The following NCOA3 variants were observed in gnomAD, a reference collection of about 807,000 sequenced individuals.
The protein encoded by NCOA3 is CBP-interacting protein.
NCOA3 carries 51 observed loss-of-function variants against 158.8 expected under a neutral mutation model. That is an observed-to-expected ratio of 0.32 (90% confidence interval 0.26 to 0.41). NCOA3 has a LOEUF of 0.41. Among genes scored for constraint, NCOA3 ranks in the 10% least tolerant of loss-of-function variants. The pLI, the probability that NCOA3 is intolerant of heterozygous loss-of-function variation, is 1.00. For synonymous variants in NCOA3, 537 were observed against 592.4 expected (o/e 0.91, Z 1.36); for missense variants, 1,510 against 1,746.6 (o/e 0.86, Z 2.41).
intron 2 of NCOA3, among the ~76,000 whole-genome samples, chr20:47,587,483 G>T (rs1438962027): frequency 6.6e-6 from 1 of 152,184 alleles, no homozygotes; most frequent in South Asian, 2.1e-4. Flanking sequence ...GTACCTGAGG[G>T]TGATTGGGTC....
At chr20:47,649,816 T>C (rs2086751904) in intron 19 of NCOA3, among the ~76,000 whole-genome samples, 1 of 152,128 alleles carries the variant, frequency 6.6e-6, no homozygotes, top group African/African-American at 2.4e-5. Context: ...TACAGAAAGA[T>C]GATAAAAGCT....
intron 1 of NCOA3, among the ~76,000 whole-genome samples, chr20:47,576,703 C>T (rs574975837): frequency 2.0e-5 from 3 of 152,230 alleles, no homozygotes; most frequent in South Asian, 4.1e-4. Flanking sequence ...ATTTGCAGCC[C>T]GAGGGGTCAG....
intron 2 of NCOA3, among the ~76,000 whole-genome samples, chr20:47,596,455 C>T (rs7273295): frequency 0.045 from 6,809 of 152,158 alleles, 441 homozygotes; most frequent in African/African-American, 0.15. Context: ...GTGTGAACAA[C>T]GTTGCAATGA....
At chr20:47,633,473 T>G in intron 8 of NCOA3, 23 bp from the exon 9 acceptor site, 1 of 1,595,414 alleles carries the variant, frequency 6.3e-7, no homozygotes, top group Non-Finnish European at 8.5e-7. Flanking sequence ...TATAAGTCTT[T>G]TTTTCCTTTT....
intron 2 of NCOA3, among the ~76,000 whole-genome samples, chr20:47,587,517 A>G (rs777769879): frequency 6.6e-6 from 1 of 152,220 alleles, no homozygotes; most frequent in East Asian, 1.9e-4. Flanking sequence ...GTGCACCAAA[A>G]TCTGCTGATG....
intron 1 of NCOA3, among the ~76,000 whole-genome samples, chr20:47,525,359 C>T (rs1416962698): frequency 6.7e-6 from 1 of 149,346 alleles, no homozygotes; most frequent in East Asian, 2.0e-4. Context: ...GGCAACCATC[C>T]GATTTCTCAA....
At chr20:47,523,082 AG>A (rs3091546) in intron 1 of NCOA3, among the ~76,000 whole-genome samples, 3,593 of 152,158 alleles carry the variant, frequency 0.024, 140 homozygotes, top group African/African-American at 0.082. Context: ...GCTACTCCGG[AG>A]GCTGAGGCAG....
rs543794539 is a variant in NCOA3, at chr20:47,620,174, G to A, written c.-19-2055G>A. Reference sequence around the variant, plus strand: ...GTCACCCAGTCTGGAGTGCATTGGCGTGATCATAACTCACTGCAGCCTCAA... The same window carrying A: ...GTCACCCAGTCTGGAGTGCATTGGCATGATCATAACTCACTGCAGCCTCAA... On this transcript the variant is annotated intron_variant, in intron 2 of 22. Coordinates refer to ENST00000371998, the MANE Select transcript of NCOA3 (RefSeq NM_181659.3). 7.2e-5 allele frequency among the ~76,000 whole-genome samples: 11 copies of A among 152,252 alleles called. No individual in the cohort carries two copies. The East Asian group carries it at 1.3e-3, about 19-fold the overall frequency.
chr20:47,505,675 A>G (rs960398152), intron 1 of NCOA3, among the ~76,000 whole-genome samples: 11 of 152,088 alleles, frequency 7.2e-5, no homozygotes, highest in African/African-American at 2.7e-4. Flanking sequence ...TTGGAAATGT[A>G]TGTTAACTTT....
chr20:47,594,986 TTTGCCACGC>T (rs1178885693), intron 2 of NCOA3, among the ~76,000 whole-genome samples: 3 of 151,080 alleles, frequency 2.0e-5, no homozygotes, highest in African/African-American at 7.3e-5. Context: ...GAGATGGAAT[TTTGCCACGC>T]TGGCCAGGCT....
chr20:47,574,023 T>G (rs1472460192), intron 1 of NCOA3, among the ~76,000 whole-genome samples: 1 of 152,202 alleles, frequency 6.6e-6, no homozygotes, highest in African/African-American at 2.4e-5. Flanking sequence ...TCAGTTTTTT[T>G]GTTGAAATTA....
intron 8 of NCOA3, among the ~76,000 whole-genome samples, chr20:47,629,352 G>T (rs750761323): frequency 1.3e-5 from 2 of 150,896 alleles, no homozygotes; most frequent in African/African-American, 4.9e-5. Flanking sequence ...TTTTGAGACG[G>T]AGTTTTGCTC....
intron 1 of NCOA3, among the ~76,000 whole-genome samples, chr20:47,546,862 A>G (rs2084838190): frequency 6.6e-6 from 1 of 152,004 alleles, no homozygotes; most frequent in Non-Finnish European, 1.5e-5. Flanking sequence ...CTCACCTATC[A>G]TTCCTGTCTT....
intron 1 of NCOA3, among the ~76,000 whole-genome samples, chr20:47,535,058 T>A (rs2084610448): frequency 6.6e-6 from 1 of 152,128 alleles, no homozygotes; most frequent in Admixed American, 6.6e-5. Flanking sequence ...GCGTTATTAT[T>A]ATTCTTAGTT....
chr20:47,633,022 C>G (rs2086448222), intron 8 of NCOA3, among the ~76,000 whole-genome samples: 2 of 152,094 alleles, frequency 1.3e-5, no homozygotes, highest in South Asian at 4.1e-4. Flanking sequence ...TCTCCTTCCT[C>G]CCTCATGCCC....
intron 1 of NCOA3, among the ~76,000 whole-genome samples, chr20:47,568,351 G>A (rs891860789): frequency 2.0e-5 from 3 of 152,044 alleles, no homozygotes; most frequent in African/African-American, 7.2e-5. Flanking sequence ...AAAAAATACA[G>A]GCATACCTCA....
intron 2 of NCOA3, among the ~76,000 whole-genome samples, chr20:47,618,654 TTCCC>T (rs1376521350): frequency 2.0e-5 from 3 of 152,220 alleles, no homozygotes; most frequent in Admixed American, 2.0e-4. Context: ...ACACCCGGCC[TTCCC>T]TTAGTACCTT....
chr20:47,534,206 A>G (rs6066374), intron 1 of NCOA3, among the ~76,000 whole-genome samples: 44,563 of 151,132 alleles, frequency 0.29, 7,235 homozygotes, highest in East Asian at 0.58. Flanking sequence ...TTTCTTGTCA[A>G]ACTACCCATC....
chr20:47,563,650 G>A (rs1486109697), intron 1 of NCOA3, among the ~76,000 whole-genome samples: 1 of 152,092 alleles, frequency 6.6e-6, no homozygotes, highest in Non-Finnish European at 1.5e-5. Context: ...ACTTTGGGAG[G>A]CTGAGGCAGG....
Sources: allele counts gnomAD v4.1 joint callset (sites outside exome capture counted in the v4.1 genomes callset), GRCh38; gene constraint gnomAD v4.1.1; transcripts MANE v1.5; gene names NCBI Gene and HGNC (gene_info 2026-07-23, HGNC 2026-07-21).